The following UCHL3 variants were observed in gnomAD, a reference collection of about 807,000 sequenced individuals.
The protein encoded by UCHL3 is ubiquitin carboxyl-terminal hydrolase isozyme L3.
Under a neutral mutation model 35.8 loss-of-function variants are expected in UCHL3, and 22 were observed. The observed-to-expected ratio is 0.61, with a 90% CI of 0.44 to 0.88. The LOEUF (loss-of-function observed/expected upper bound fraction) is 0.88. UCHL3 is among the 40% of genes least tolerant of loss of function. UCHL3 has a pLI of 0.00. For synonymous variants in UCHL3, 90 were observed against 92.8 expected (o/e 0.97, Z 0.17); for missense variants, 229 against 276.9 (o/e 0.83, Z 1.23).
At chr13:75,567,741 T>G (rs143669848) in intron 5 of UCHL3, among the ~76,000 whole-genome samples, 3,880 of 152,056 alleles carry the variant, frequency 0.026, 58 homozygotes, top group African/African-American at 0.029. Flanking sequence ...AGAGACAGGG[T>G]TTTGCCATGT....
At chr13:75,563,448 A>G (rs1279294668) in intron 3 of UCHL3, among the ~76,000 whole-genome samples, 1 of 152,178 alleles carries the variant, frequency 6.6e-6, no homozygotes, top group Non-Finnish European at 1.5e-5. Context: ...GAGTGCTGGG[A>G]TTATAGGTGT....
intron 6 of UCHL3, among the ~76,000 whole-genome samples, chr13:75,594,002 C>T (rs2032579414): frequency 6.6e-6 from 1 of 152,092 alleles, no homozygotes; most frequent in Admixed American, 6.5e-5. Flanking sequence ...AAAATTTGTG[C>T]TCTATTTGCA....
intron 7 of UCHL3, among the ~76,000 whole-genome samples, chr13:75,597,961 AT>A (rs2138581684): frequency 6.6e-6 from 1 of 152,250 alleles, no homozygotes; most frequent in African/African-American, 2.4e-5. Context: ...TTTCTGGCAT[AT>A]GTAAAGGGGA....
At chr13:75,586,661 T>G (rs939064819) in intron 6 of UCHL3, among the ~76,000 whole-genome samples, 10 of 152,070 alleles carry the variant, frequency 6.6e-5, no homozygotes, top group African/African-American at 2.2e-4. Context: ...AAAATTTAAT[T>G]TATACAAAGA....
At chr13:75,584,476 C>T (rs2032269653) in intron 6 of UCHL3, among the ~76,000 whole-genome samples, 1 of 152,168 alleles carries the variant, frequency 6.6e-6, no homozygotes, top group South Asian at 2.1e-4. Flanking sequence ...AACAATAAAA[C>T]CCAAACAGTA....
chr13:75,550,089 T>C, intron 2 of UCHL3, 102 bp downstream of exon 2: 1 of 1,580,500 alleles, frequency 6.3e-7, no homozygotes, highest in Non-Finnish European at 8.7e-7. Context: ...ATTCTGGGAT[T>C]TAATTTCTTG....
chr13:75,577,038 C>T (rs1370162140), intron 6 of UCHL3, among the ~76,000 whole-genome samples: 1 of 152,004 alleles, frequency 6.6e-6, no homozygotes, highest in Non-Finnish European at 1.5e-5. Flanking sequence ...TCGCTTGAGG[C>T]CAGGAGTTTG....
intron 6 of UCHL3, 73 bp downstream of exon 6, chr13:75,569,580 A>G (rs1229122571): frequency 1.4e-6 from 2 of 1,385,686 alleles, no homozygotes; most frequent in East Asian, 2.3e-5. Context: ...AAATTTAACC[A>G]TAGTATTATT....
intron 6 of UCHL3, among the ~76,000 whole-genome samples, chr13:75,591,186 G>A (rs540817802): frequency 8.2e-4 from 125 of 152,296 alleles, no homozygotes; most frequent in African/African-American, 2.8e-3. Context: ...CCCTTCTAGT[G>A]TTATACTCAA....
intron 2 of UCHL3, among the ~76,000 whole-genome samples, chr13:75,559,217 T>G (rs1163573806): frequency 3.9e-5 from 6 of 151,948 alleles, no homozygotes; most frequent in Non-Finnish European, 8.8e-5. Context: ...TTTTTTTGTA[T>G]TTTTAGTAGA....
intron 6 of UCHL3, among the ~76,000 whole-genome samples, chr13:75,579,458 T>C (rs2032117650): frequency 6.6e-6 from 1 of 152,072 alleles, no homozygotes; most frequent in African/African-American, 2.4e-5. Flanking sequence ...CTAGCTTGTC[T>C]CTGTCTCTCT....
intron 3 of UCHL3, among the ~76,000 whole-genome samples, chr13:75,565,171 G>A (rs1057392931): frequency 6.6e-6 from 1 of 151,416 alleles, no homozygotes; most frequent in East Asian, 1.9e-4. Flanking sequence ...TATCATTTTA[G>A]GAATTTTTCC....
chr13:75,586,345 G>A lies in UCHL3; in HGVS notation c.475-8570G>A, dbSNP rs116553491. Among the ~76,000 whole-genome samples the A allele has an allele frequency of 2.3e-3, 346 of 152,114 alleles. 2 individuals are homozygous for A. Among genetic ancestry groups the A allele is most frequent in the African/African-American group, 7.8e-3 (325 of 41,542 alleles). On this transcript the variant is annotated intron_variant, in intron 6 of 8. Transcript: ENST00000377595. ...TACACGTAACAGAAAGTATGTGTAT[G>A]CAGCTAACAATTAGAGCCTCTAAAT...
At position 75,566,835 on chromosome 13, in the gene UCHL3, A is replaced by G. The variant is rs376626341; in HGVS notation, c.324A>G (p.Lys108=). 1.3e-6 allele frequency: 2 copies of G among 1,591,972 alleles called. No individual in the cohort carries two copies. Among genetic ancestry groups the G allele is most frequent in the African/African-American group, 1.4e-5 (1 of 73,536 alleles). Residue 108 remains lysine (K), a synonymous_variant, in exon 4 of 9, where the codon AAA becomes AAG. Coordinates refer to ENST00000377595, the MANE Select transcript of UCHL3 (RefSeq NM_006002.5). ...IGLIHAIANN[K]DKMHFESGST... is the part of the protein sequence containing the mutation. ...TGATTCATGCTATTGCAAACAATAA[A>G]GACAAGATGCACTTTGGTAAATGAT...
At chr13:75,582,585 C>T (rs1425842864) in intron 6 of UCHL3, among the ~76,000 whole-genome samples, 1 of 152,184 alleles carries the variant, frequency 6.6e-6, no homozygotes, top group Non-Finnish European at 1.5e-5. Context: ...TTTATTCAGA[C>T]TATCTAAAAA....
upstream of UCHL3, chr13:75,549,514 T>G (rs1298661176): frequency 2.2e-5 from 8 of 370,724 alleles, no homozygotes; most frequent in East Asian, 3.2e-4. Flanking sequence ...TCGGCAAGGC[T>G]CGGCTCGGAA....
At chr13:75,581,403 G>A (rs2032181125) in intron 6 of UCHL3, among the ~76,000 whole-genome samples, 1 of 149,934 alleles carries the variant, frequency 6.7e-6, no homozygotes, top group Non-Finnish European at 1.5e-5. Context: ...AGGCGGCAGT[G>A]CAGTGGGTCG....
intron 6 of UCHL3, among the ~76,000 whole-genome samples, chr13:75,576,260 C>G (rs144646481): frequency 6.6e-6 from 1 of 151,126 alleles, no homozygotes; most frequent in Non-Finnish European, 1.5e-5. Flanking sequence ...TGTGAAGTCT[C>G]GCTCTGTCTC....
chr13:75,577,430 A>G (rs1015863828), intron 6 of UCHL3, among the ~76,000 whole-genome samples: 7 of 152,220 alleles, frequency 4.6e-5, no homozygotes, highest in African/African-American at 1.4e-4. Context: ...GAGGAGGTAC[A>G]TAGGTTATAT....
Sources: allele counts gnomAD v4.1 joint callset (sites outside exome capture counted in the v4.1 genomes callset), GRCh38; gene constraint gnomAD v4.1.1; transcripts MANE v1.5; gene names NCBI Gene and HGNC (gene_info 2026-07-23, HGNC 2026-07-21).